Variants in GRIK2 observed in about 807,000 individuals in gnomAD.
The protein encoded by GRIK2 is glutamate ionotropic receptor kainate type subunit 2.
GRIK2 carries 32 observed loss-of-function variants against 100.3 expected under a neutral mutation model. The observed-to-expected ratio is 0.32, with a 90% CI of 0.24 to 0.43. The LOEUF (loss-of-function observed/expected upper bound fraction) is 0.43. Among genes scored for constraint, GRIK2 ranks in the 20% least tolerant of loss-of-function variants. The probability of loss-of-function intolerance (pLI) is 1.00; values close to 1 mark genes in which losing one functional copy is unlikely to be tolerated. For synonymous variants in GRIK2, 417 were observed against 389.4 expected (o/e 1.07, Z -0.83); for missense variants, 843 against 1,114.9 (o/e 0.76, Z 3.47).
chr6:101,637,334 G>A (rs529694598), intron 4 of GRIK2, among the ~76,000 whole-genome samples: 3 of 151,870 alleles, frequency 2.0e-5, no homozygotes, highest in Admixed American at 6.6e-5. Context: ...TACATCTAAC[G>A]CAACATAACA....
At chr6:101,888,539 T>C (rs1410839388) in intron 11 of GRIK2, among the ~76,000 whole-genome samples, 2 of 152,150 alleles carry the variant, frequency 1.3e-5, no homozygotes, top group East Asian at 1.9e-4. Flanking sequence ...TTTAGAGAAA[T>C]ATCTTTCTCC....
chr6:101,485,915 CT>C (rs67073947), intron 2 of GRIK2, among the ~76,000 whole-genome samples: 19,810 of 140,808 alleles, frequency 0.14, 1,350 homozygotes, highest in East Asian at 0.34. Context: ...CACCATTGCG[CT>C]TTTTTTTTTT....
At chr6:101,498,985 G>T (rs937601432) in intron 2 of GRIK2, among the ~76,000 whole-genome samples, 6 of 152,028 alleles carry the variant, frequency 3.9e-5, no homozygotes, top group African/African-American at 7.2e-5. Context: ...TTTCTTCTAG[G>T]GTTTTTATGG....
chr6:101,987,228 T>C (rs959662687), intron 14 of GRIK2, among the ~76,000 whole-genome samples: 5 of 151,862 alleles, frequency 3.3e-5, no homozygotes, highest in Admixed American at 1.3e-4. Flanking sequence ...ATTCCCTTTA[T>C]ACTAATTTTT....
intron 14 of GRIK2, among the ~76,000 whole-genome samples, chr6:101,975,809 GTCTATCTATCTA>G (rs71028093): frequency 1.4e-5 from 2 of 147,408 alleles, no homozygotes; most frequent in South Asian, 2.2e-4. Flanking sequence ...CTATCTATCT[GTCTATCTATCTA>G]TCTATCTATC....
chr6:101,402,086 C>A (rs2787571), intron 2 of GRIK2, among the ~76,000 whole-genome samples: 39,255 of 152,034 alleles, frequency 0.26, 5,640 homozygotes, highest in East Asian at 0.58. Context: ...TTCGACCCAG[C>A]GTCCTCCTGT....
intron 7 of GRIK2, among the ~76,000 whole-genome samples, chr6:101,739,916 T>C (rs998887605): frequency 4.6e-5 from 7 of 152,124 alleles, no homozygotes; most frequent in Non-Finnish European, 7.4e-5. Flanking sequence ...GCAGGGATTT[T>C]TTTTTTCATG....
At chr6:101,529,060 T>G (rs2128284049) in intron 2 of GRIK2, among the ~76,000 whole-genome samples, 1 of 152,292 alleles carries the variant, frequency 6.6e-6, no homozygotes, top group African/African-American at 2.4e-5. Flanking sequence ...GCTGAATTTC[T>G]TTCTCATTAA....
At chr6:101,521,939 TTAATG>T (rs1372326039) in intron 2 of GRIK2, among the ~76,000 whole-genome samples, 3 of 152,222 alleles carry the variant, frequency 2.0e-5, no homozygotes, top group East Asian at 3.9e-4. Flanking sequence ...AGCAAGATAT[TTAATG>T]TAAGCAAGTT....
In GRIK2 at chr6:101,527,523, C is replaced by T. The variant is rs77590043; in HGVS notation, c.116-94426C>T. Among the ~76,000 whole-genome samples the T allele has an allele frequency of 7.3e-3, 1,118 of 152,226 alleles. 15 individuals are homozygous for T. Among genetic ancestry groups the T allele is most frequent in the African/African-American group, 0.025 (1,024 of 41,548 alleles). On this transcript the variant is annotated intron_variant, in intron 2 of 16. Coordinates refer to ENST00000369134, the MANE Select transcript of GRIK2 (RefSeq NM_021956.5). ...TAAAGTGTCAATTTTCAGTTAAAAA[C>T]GGAAGTGATGTAGTTTGAAATTGTT...
chr6:102,020,695 T>A (rs1769380005), intron 14 of GRIK2, among the ~76,000 whole-genome samples: 1 of 151,894 alleles, frequency 6.6e-6, no homozygotes, highest in Non-Finnish European at 1.5e-5. Flanking sequence ...TGGGAAAGTT[T>A]GATCAGAGAA....
chr6:101,707,616 A>ATATATATATG (rs1773426081), intron 7 of GRIK2, among the ~76,000 whole-genome samples: 1 of 144,580 alleles, frequency 6.9e-6, no homozygotes, highest in Admixed American at 7.0e-5. Flanking sequence ...GTATATATAT[A>ATATATATATG]TATATATATA....
chr6:101,939,729 C>T (rs192003534), intron 14 of GRIK2, among the ~76,000 whole-genome samples: 138 of 152,162 alleles, frequency 9.1e-4, no homozygotes, highest in African/African-American at 3.3e-3. Flanking sequence ...TATATCAATT[C>T]ACATTCTTCA....
intron 11 of GRIK2, among the ~76,000 whole-genome samples, chr6:101,885,816 C>T (rs1786571410): frequency 6.6e-6 from 1 of 151,512 alleles, no homozygotes; most frequent in East Asian, 1.9e-4. Context: ...TTTCCTGGAC[C>T]CCCTCCCTTT....
chr6:101,755,138 ATTTCT>A (rs1445840418), intron 7 of GRIK2, among the ~76,000 whole-genome samples: 3 of 138,200 alleles, frequency 2.2e-5, no homozygotes, highest in Middle Eastern at 7.7e-3. Flanking sequence ...AGCATAAATC[ATTTCT>A]TTTCTTTTTT....
At chr6:101,974,452 A>G (rs1294548744) in intron 14 of GRIK2, among the ~76,000 whole-genome samples, 8 of 152,026 alleles carry the variant, frequency 5.3e-5, no homozygotes, top group East Asian at 1.9e-4. Flanking sequence ...GCATTAGTCA[A>G]AGTTCTACAG....
intron 14 of GRIK2, among the ~76,000 whole-genome samples, chr6:101,939,979 G>C (rs995044248): frequency 2.6e-5 from 4 of 152,054 alleles, no homozygotes; most frequent in African/African-American, 9.7e-5. Context: ...CCCCAATTTG[G>C]TGGTGATAGT....
At chr6:101,978,714 T>C (rs1451330795) in intron 14 of GRIK2, among the ~76,000 whole-genome samples, 2 of 151,952 alleles carry the variant, frequency 1.3e-5, no homozygotes, top group African/African-American at 4.8e-5. Context: ...TGTCAGTGGG[T>C]TATAAATAAT....
rs115545177 is a variant in GRIK2, at chr6:101,531,488, A to G, written c.116-90461A>G. 5.1e-3 allele frequency among the ~76,000 whole-genome samples: 783 copies of G among 152,060 alleles called. 9 individuals are homozygous for G. Among genetic ancestry groups the G allele is most frequent in the African/African-American group, 0.018 (747 of 41,528 alleles). On this transcript the variant is annotated intron_variant, in intron 2 of 16. Coordinates refer to ENST00000369134, the MANE Select transcript of GRIK2 (RefSeq NM_021956.5). The stretch of plus-strand genomic sequence containing the variant: ...TAGAAGTTGTTATAGAAGATAAGGT[A>G]GTTGAAGTCCTCAAAGGAGACTGTA...
Sources: allele counts gnomAD v4.1 joint callset (sites outside exome capture counted in the v4.1 genomes callset), GRCh38; gene constraint gnomAD v4.1.1; transcripts MANE v1.5; gene names NCBI Gene and HGNC (gene_info 2026-07-23, HGNC 2026-07-21).